Variants in PDCD1LG2 observed in about 807,000 individuals in gnomAD.
PDCD1LG2 encodes the protein programmed cell death 1 ligand 2, also known as B7 dendritic cell molecule.
In PDCD1LG2, 32 loss-of-function variants were observed where a neutral mutation model predicts 28.2. The observed-to-expected ratio is 1.13, with a 90% CI of 0.86 to 1.52. PDCD1LG2 has a LOEUF of 1.52. PDCD1LG2 is among the 40% of genes most tolerant of loss of function. The pLI is 0.00. For missense variants in PDCD1LG2, 385 were observed against 323.8 expected, an observed-to-expected ratio of 1.19 and a Z score of -1.45; for synonymous variants, 116 against 120.2, an observed-to-expected ratio of 0.97 and a Z score of 0.23.
At chr9:5,523,634 T>G (rs1820318449) in intron 2 of PDCD1LG2, among the ~76,000 whole-genome samples, 1 of 152,220 alleles carries the variant, frequency 6.6e-6, no homozygotes. Context: ...TAAAGGAACT[T>G]TTCATGTTTT....
intron 1 of PDCD1LG2, among the ~76,000 whole-genome samples, chr9:5,511,454 G>T (rs1820056179): frequency 6.6e-6 from 1 of 152,218 alleles, no homozygotes; most frequent in Admixed American, 6.5e-5. Context: ...GAAGAGCAAA[G>T]GCAATGGGTT....
intron 3 of PDCD1LG2, among the ~76,000 whole-genome samples, chr9:5,539,954 G>A (rs573625280): frequency 6.6e-6 from 1 of 152,248 alleles, no homozygotes; most frequent in South Asian, 2.1e-4. Flanking sequence ...CTATTCATCA[G>A]CATATGGAAC....
At chr9:5,535,888 G>T (rs1820570882) in intron 3 of PDCD1LG2, among the ~76,000 whole-genome samples, 1 of 152,276 alleles carries the variant, frequency 6.6e-6, no homozygotes, top group Non-Finnish European at 1.5e-5. Flanking sequence ...GTGATTTGAG[G>T]AAAGACATAT....
At chr9:5,567,180 G>A (rs1816682636) in intron 6 of PDCD1LG2, among the ~76,000 whole-genome samples, 2 of 152,152 alleles carry the variant, frequency 1.3e-5, no homozygotes, top group Non-Finnish European at 2.9e-5. Context: ...TTTAGGAAGG[G>A]CGATGCTATA....
At chr9:5,512,058 G>C (rs984507748) in intron 1 of PDCD1LG2, among the ~76,000 whole-genome samples, 1 of 152,220 alleles carries the variant, frequency 6.6e-6, no homozygotes, top group East Asian at 1.9e-4. Flanking sequence ...ATTTGAAAAA[G>C]GAGATGGTAG....
rs186225836 is a variant in PDCD1LG2 at position 5,513,057 on chromosome 9, C to T, written c.-15+2254C>T. On this transcript the variant is annotated intron_variant, in intron 1 of 6. Coordinates refer to ENST00000397747, the MANE Select transcript of PDCD1LG2 (RefSeq NM_025239.4). Reference sequence around the variant, plus strand: ...AGAGGCTGTCTACCAATTCCACCCACCCTCAATTCTATACTCAAAAAAAAA... The same window carrying T: ...AGAGGCTGTCTACCAATTCCACCCATCCTCAATTCTATACTCAAAAAAAAA... Among the ~76,000 whole-genome samples the T allele has an allele frequency of 3.9e-3, 591 of 152,258 alleles. 9 individuals are homozygous for T. Among genetic ancestry groups the T allele is most frequent in the African/African-American group, 0.014 (567 of 41,548 alleles).
At chr9:5,565,269 A>C (rs1431873052) in intron 6 of PDCD1LG2, among the ~76,000 whole-genome samples, 1 of 152,148 alleles carries the variant, frequency 6.6e-6, no homozygotes, top group Non-Finnish European at 1.5e-5. Flanking sequence ...TGCAGCCTCA[A>C]CTTTTGGACT....
At chr9:5,519,096 G>C (rs1199907770) in intron 1 of PDCD1LG2, among the ~76,000 whole-genome samples, 1 of 152,160 alleles carries the variant, frequency 6.6e-6, no homozygotes, top group African/African-American at 2.4e-5. Context: ...TGGGTGGGGG[G>C]TGCGCAAGAT....
At chr9:5,549,731 G>A (rs1304979908) in intron 4 of PDCD1LG2, 127 bp downstream of exon 4, 2 of 1,194,842 alleles carry the variant, frequency 1.7e-6, no homozygotes, top group African/African-American at 3.1e-5. Context: ...ACCATTTGGA[G>A]AAACTACAAA....
Position 5,557,675 on chromosome 9 carries a change from G to A in PDCD1LG2, c.689G>A (p.Cys230Tyr), listed in dbSNP as rs1246833323. Reference sequence around the variant, plus strand: ...CTGCTTCACATTTTCATCCCCTTCTGCATCATTGCTTTCATTTTCATAGCC... The same window carrying A: ...CTGCTTCACATTTTCATCCCCTTCTACATCATTGCTTTCATTTTCATAGCC... The part of the protein sequence containing the change: ...TWLLHIFIPF[C>Y]IIAFIFIATV... Residue 230 changes from cysteine (C) to tyrosine (Y), a missense_variant, in exon 5 of 7, where the codon TGC (cysteine) becomes TAC (tyrosine). Coordinates refer to ENST00000397747, the MANE Select transcript of PDCD1LG2 (RefSeq NM_025239.4). 4 of 1,613,590 alleles carry A rather than the reference G, an allele frequency of 2.5e-6. No individual in the cohort carries two copies. Among genetic ancestry groups the A allele is most frequent in the Non-Finnish European group, 3.4e-6 (4 of 1,179,550 alleles).
intron 3 of PDCD1LG2, 82 bp from the exon 4 acceptor site, chr9:5,549,252 AT>A: frequency 7.8e-7 from 1 of 1,282,228 alleles, no homozygotes; most frequent in Non-Finnish European, 1.1e-6. Context: ...TGATAATTTT[AT>A]TCATTTCACA....
At chr9:5,560,289 C>T (rs532159860) in intron 5 of PDCD1LG2, among the ~76,000 whole-genome samples, 1 of 152,296 alleles carries the variant, frequency 6.6e-6, no homozygotes, top group South Asian at 2.1e-4. Flanking sequence ...ACTTCTCCAC[C>T]TCCCACAAAC....
chr9:5,568,554 C>CA (rs1383847499), intron 6 of PDCD1LG2, among the ~76,000 whole-genome samples: 3 of 152,136 alleles, frequency 2.0e-5, no homozygotes, highest in African/African-American at 4.8e-5. Context: ...TCCCTGGTGC[C>CA]AAAAATGTTG....
At chr9:5,511,188 G>A (rs150105041) in intron 1 of PDCD1LG2, among the ~76,000 whole-genome samples, 37 of 152,228 alleles carry the variant, frequency 2.4e-4, no homozygotes, top group African/African-American at 7.2e-4. Flanking sequence ...TTTAGCAGAC[G>A]GTGATCCCTC....
chr9:5,515,207 A>C (rs59898184), intron 1 of PDCD1LG2, among the ~76,000 whole-genome samples: 48,684 of 152,128 alleles, frequency 0.32, 7,942 homozygotes, highest in Admixed American at 0.39. Context: ...CCGCCCAATA[A>C]CATTAAGATG....
Position 5,538,674 on chromosome 9 carries a change from C to T in PDCD1LG2, c.361+3624C>T, listed in dbSNP as rs1023849094. On this transcript the variant is annotated intron_variant, in intron 3 of 6. Coordinates refer to ENST00000397747, the MANE Select transcript of PDCD1LG2 (RefSeq NM_025239.4). Reference sequence around the variant, plus strand: ...CTGCACTCCAGCCTGGGCGACAGAGCGAGACTCTGTCTCAAAAAAAGAAAA... The same window carrying T: ...CTGCACTCCAGCCTGGGCGACAGAGTGAGACTCTGTCTCAAAAAAAGAAAA... 4.8e-5 allele frequency among the ~76,000 whole-genome samples: 7 copies of T among 147,244 alleles called. 1 individual carries two copies. The South Asian group carries it at 6.4e-4, about 13-fold the overall frequency.
intron 6 of PDCD1LG2, among the ~76,000 whole-genome samples, chr9:5,567,844 C>G (rs544862570): frequency 3.9e-5 from 6 of 152,338 alleles, no homozygotes; most frequent in African/African-American, 1.4e-4. Context: ...CGATAAGGTA[C>G]TCAAGAAACA....
intron 1 of PDCD1LG2, among the ~76,000 whole-genome samples, chr9:5,515,489 C>T (rs1296610119): frequency 6.6e-6 from 1 of 152,148 alleles, no homozygotes; most frequent in East Asian, 1.9e-4. Context: ...CGGAGAGGAG[C>T]TTCGTTGAGT....
chr9:5,551,242 TCCCTAGTA>T lies in PDCD1LG2; in HGVS notation c.631+1640_631+1647del, dbSNP rs1428147205. The stretch of plus-strand genomic sequence containing the variant: ...GATATACTCTCAGACTAAAGGACAG[TCCCTAGTA>T]CTGATTCAATCTGGCTTTATAGAAA... On this transcript the variant is annotated intron_variant, in intron 4 of 6. Coordinates refer to ENST00000397747, the MANE Select transcript of PDCD1LG2 (RefSeq NM_025239.4). Among the ~76,000 whole-genome samples the T allele has an allele frequency of 3.9e-5, 6 of 152,186 alleles. No individual in the cohort carries two copies. The East Asian group carries it at 1.2e-3, about 29-fold the overall frequency.
Sources: allele counts gnomAD v4.1 joint callset (sites outside exome capture counted in the v4.1 genomes callset), GRCh38; gene constraint gnomAD v4.1.1; transcripts MANE v1.5; gene names NCBI Gene and HGNC (gene_info 2026-07-23, HGNC 2026-07-21).